The following TMEM150C variants were observed in gnomAD, a reference collection of about 807,000 sequenced individuals.
The protein encoded by TMEM150C is transmembrane protein 150C.
A neutral mutation model predicts 29.9 loss-of-function variants in TMEM150C; 10 were observed. The ratio of observed to expected loss-of-function variants is 0.33; its 90% CI spans 0.21 to 0.57. TMEM150C has a LOEUF of 0.57. Ranked by LOEUF, TMEM150C falls within the 20% of genes least tolerant of loss-of-function variation. The pLI is 0.88. For missense variants in TMEM150C, 251 were observed against 303.6 expected, an observed-to-expected ratio of 0.83 and a Z score of 1.29; for synonymous variants, 101 against 112.5, an observed-to-expected ratio of 0.90 and a Z score of 0.64.
At chr4:82,489,791 T>C (rs1354617776) in intron 7 of TMEM150C, among the ~76,000 whole-genome samples, 1 of 152,154 alleles carries the variant, frequency 6.6e-6, no homozygotes, top group African/African-American at 2.4e-5. Context: ...ATAAGAACTT[T>C]TACATCATTA....
chr4:82,508,744 G>C (rs1164683318), intron 1 of TMEM150C, among the ~76,000 whole-genome samples: 2 of 152,114 alleles, frequency 1.3e-5, no homozygotes, highest in Non-Finnish European at 2.9e-5. Flanking sequence ...GGGATTATAG[G>C]TGTGAGCCAC....
At chr4:82,510,140 A>G (rs1222212482) in intron 1 of TMEM150C, among the ~76,000 whole-genome samples, 3 of 150,408 alleles carry the variant, frequency 2.0e-5, no homozygotes, top group African/African-American at 7.3e-5. Context: ...TTAGCCGGGC[A>G]TGGTGGCACG....
chr4:82,530,084 ATC>A (rs144911438), intron 1 of TMEM150C, among the ~76,000 whole-genome samples: 211 of 146,426 alleles, frequency 1.4e-3, no homozygotes, highest in Middle Eastern at 3.5e-3. Context: ...CTCTCTTTCA[ATC>A]TCTCTCTCTC....
chr4:82,513,943 C>A (rs1007941908), intron 1 of TMEM150C, among the ~76,000 whole-genome samples: 3 of 152,218 alleles, frequency 2.0e-5, no homozygotes, highest in African/African-American at 7.2e-5. Flanking sequence ...ACCTGAACTG[C>A]ATTAGCAAAG....
chr4:82,552,646 A>T lies in TMEM150C; in HGVS notation c.-11+9260T>A, dbSNP rs1725618299. Among the ~76,000 whole-genome samples the T allele has an allele frequency of 2.6e-5, 4 of 152,312 alleles. No homozygotes were observed. The South Asian group carries it at 8.3e-4, about 32-fold the overall frequency. ...GAAATCATCTGGGAAGCTTTTAAAA[A>T]AAAGTTTGGTGTCTGAGCTCCCCGA... On this transcript the variant is annotated intron_variant, in intron 1 of 7. Transcript: ENST00000449862.
chr4:82,495,840 C>A, intron 6 of TMEM150C: 2 of 542,302 alleles, frequency 3.7e-6, no homozygotes, highest in Non-Finnish European at 3.3e-6. Flanking sequence ...GTTCATCTTC[C>A]ACTTTAATGA....
intron 1 of TMEM150C, among the ~76,000 whole-genome samples, chr4:82,556,778 A>G (rs958134658): frequency 6.6e-6 from 1 of 152,240 alleles, no homozygotes; most frequent in Non-Finnish European, 1.5e-5. Flanking sequence ...CCAAAAAAAA[A>G]TAATAAAAAA....
At chr4:82,560,320 T>C (rs1725879985) in intron 1 of TMEM150C, among the ~76,000 whole-genome samples, 2 of 152,234 alleles carry the variant, frequency 1.3e-5, no homozygotes, top group African/African-American at 4.8e-5. Context: ...AATATATTTG[T>C]GAATGTCATA....
chr4:82,554,810 G>A (rs1171937577), intron 1 of TMEM150C, among the ~76,000 whole-genome samples: 1 of 152,156 alleles, frequency 6.6e-6, no homozygotes, highest in Non-Finnish European at 1.5e-5. Flanking sequence ...CTGTCTAAAA[G>A]TATTACCCCA....
In TMEM150C at chr4:82,485,798, A is replaced by T. The variant is rs1026287161; in HGVS notation, c.542-79T>A. On this transcript the variant is annotated intron_variant, in intron 7 of 7. Coordinates refer to ENST00000449862, the MANE Select transcript of TMEM150C (RefSeq NM_001080506.3). Reference sequence around the variant, plus strand: ...TCTTTTCAGGGCAGAGACAGATTATAGGAAAAGTCTGGCTTTCCTCATCAC... The same window carrying T: ...TCTTTTCAGGGCAGAGACAGATTATTGGAAAAGTCTGGCTTTCCTCATCAC... 17 of 1,357,522 alleles carry T rather than the reference A, an allele frequency of 1.3e-5. No individual in the cohort carries two copies. In the African/African-American group the frequency reaches 2.2e-4, roughly 18 times the overall value. The allele number at this position is 1,357,522 out of a possible 1,614,324, so 84.1% of individuals were successfully genotyped here. A position where few individuals can be genotyped will look rare whatever the true frequency, so the allele number is the denominator to read the frequency against.
chr4:82,551,307 G>C (rs759661508), intron 1 of TMEM150C, among the ~76,000 whole-genome samples: 31 of 151,706 alleles, frequency 2.0e-4, no homozygotes, highest in Middle Eastern at 3.2e-3. Context: ...ATTTATCTAC[G>C]GTCTGTCCTC....
intron 6 of TMEM150C, chr4:82,490,889 C>G (rs1194679463): frequency 1.4e-6 from 1 of 708,226 alleles, no homozygotes; most frequent in Non-Finnish European, 2.6e-6. Context: ...GAGCCACAGA[C>G]TTGGGACCCA....
intron 1 of TMEM150C, among the ~76,000 whole-genome samples, chr4:82,535,362 G>C (rs1417531434): frequency 1.3e-5 from 2 of 152,148 alleles, no homozygotes; most frequent in Non-Finnish European, 2.9e-5. Flanking sequence ...TCTCTCAATA[G>C]CAGCATTAAT....
At chr4:82,502,451 ATATAT>A (rs1409582935) in intron 5 of TMEM150C, among the ~76,000 whole-genome samples, 1 of 152,220 alleles carries the variant, frequency 6.6e-6, no homozygotes, top group Non-Finnish European at 1.5e-5. Flanking sequence ...ATATCATGAA[ATATAT>A]TATTTTATGC....
At chr4:82,496,440 A>C (rs1373360525) in intron 5 of TMEM150C, among the ~76,000 whole-genome samples, 3 of 152,146 alleles carry the variant, frequency 2.0e-5, no homozygotes, top group African/African-American at 7.2e-5. Flanking sequence ...GTTTTATTAT[A>C]CTCAATCTGG....
intron 1 of TMEM150C, among the ~76,000 whole-genome samples, chr4:82,511,661 C>T (rs1239442900): frequency 6.6e-6 from 1 of 151,818 alleles, no homozygotes; most frequent in African/African-American, 2.4e-5. Flanking sequence ...GAGACAGGGT[C>T]TCATCATATT....
At chr4:82,520,875 TA>T (rs1439014014) in intron 1 of TMEM150C, among the ~76,000 whole-genome samples, 1 of 152,108 alleles carries the variant, frequency 6.6e-6, no homozygotes, top group African/African-American at 2.4e-5. Context: ...ACCCTGTCTC[TA>T]AAAATAAACA....
Position 82,485,368 on chromosome 4 carries a change from A to G in TMEM150C, c.*143T>C, listed in dbSNP as rs1723125339. The G allele has an allele frequency of 2.7e-5, 18 of 671,300 alleles. No individual in the cohort carries two copies. Among genetic ancestry groups the G allele is most frequent in the Non-Finnish European group, 5.1e-6 (2 of 391,012 alleles). 41.6% of individuals were successfully genotyped at this position (671,300 alleles called of 1,614,324 possible). A position where few individuals can be genotyped will look rare whatever the true frequency, so the allele number is the denominator to read the frequency against. On this transcript the variant is annotated 3_prime_UTR_variant, in exon 8 of 8. Transcript: ENST00000449862. ...TCATTAAAGAAATAACTCGCCCTGA[A>G]AAGCTCATTTGGCAAATGTGGCCAT...
chr4:82,542,728 G>C (rs976875537), intron 1 of TMEM150C, among the ~76,000 whole-genome samples: 1 of 152,326 alleles, frequency 6.6e-6, no homozygotes, highest in South Asian at 2.1e-4. Context: ...AGGCAGGTCA[G>C]TTCAAGCTCA....
Sources: gnomAD v4.1 joint callset for allele counts (sites outside exome capture counted in the v4.1 genomes callset) on GRCh38, gnomAD v4.1.1 for gene constraint, MANE v1.5 for transcripts, NCBI Gene and HGNC (gene_info 2026-07-23, HGNC 2026-07-21) for gene names.